The following CALN1 variants were observed in gnomAD, a reference collection of about 807,000 sequenced individuals.
CALN1 encodes the protein calcium-binding protein 8.
CALN1 carries 17 observed loss-of-function variants against 30.6 expected under a neutral mutation model. That is an observed-to-expected ratio of 0.56 (90% CI 0.38 to 0.83). The LOEUF is 0.83. Ranked by LOEUF, CALN1 falls within the 40% of genes least tolerant of loss-of-function variation. CALN1 has a pLI of 0.00. For synonymous variants in CALN1, 156 were observed against 131.4 expected (o/e 1.19, Z -1.28); for missense variants, 291 against 354.9 (o/e 0.82, Z 1.45).
At chr7:72,349,357 A>C (rs1475095203) in intron 2 of CALN1, among the ~76,000 whole-genome samples, 2 of 149,164 alleles carry the variant, frequency 1.3e-5, no homozygotes. Flanking sequence ...TATTTGAATA[A>C]ATAGTGGCTA....
At chr7:71,912,976 T>C (rs559263481) in intron 5 of CALN1, among the ~76,000 whole-genome samples, 1 of 152,212 alleles carries the variant, frequency 6.6e-6, no homozygotes, top group South Asian at 2.1e-4. Flanking sequence ...AAGCCTGGGG[T>C]GCTAAGCTGA....
At chr7:72,223,091 C>A (rs111577688) in intron 3 of CALN1, among the ~76,000 whole-genome samples, 3 of 152,258 alleles carry the variant, frequency 2.0e-5, no homozygotes, top group African/African-American at 4.8e-5. Flanking sequence ...CCTGTTAAAG[C>A]AGTTGGCACT....
chr7:72,438,949 C>T (rs2129564320), intron 1 of CALN1, among the ~76,000 whole-genome samples: 1 of 152,302 alleles, frequency 6.6e-6, no homozygotes, highest in African/African-American at 2.4e-5. Context: ...TAAAGGAAAC[C>T]TCAGAAGAAA....
At chr7:72,285,121 G>A (rs1797997659) in intron 2 of CALN1, among the ~76,000 whole-genome samples, 1 of 152,186 alleles carries the variant, frequency 6.6e-6, no homozygotes, top group Non-Finnish European at 1.5e-5. Flanking sequence ...AGAACTGAGA[G>A]AAAGCATTGA....
the CALN1 span, among the ~76,000 whole-genome samples, chr7:72,470,853 G>A: frequency 6.6e-6 from 1 of 152,170 alleles, no homozygotes; most frequent in African/African-American, 2.4e-5. Flanking sequence ...CCTGATGGAA[G>A]GGAGAAATTC....
chr7:72,362,321 C>T (rs1317989256), intron 2 of CALN1, among the ~76,000 whole-genome samples: 1 of 152,124 alleles, frequency 6.6e-6, no homozygotes, highest in African/African-American at 2.4e-5. Flanking sequence ...AGAAGATTTC[C>T]ACCATGTACA....
At chr7:72,089,863 C>T (rs185355919) in intron 4 of CALN1, among the ~76,000 whole-genome samples, 1 of 152,256 alleles carries the variant, frequency 6.6e-6, no homozygotes, top group Admixed American at 6.5e-5. Flanking sequence ...AATAGGGCTA[C>T]AAGGCACATG....
intron 5 of CALN1, among the ~76,000 whole-genome samples, chr7:71,978,259 A>ATTTTTTTTTTT (rs1584662365): frequency 8.6e-6 from 1 of 115,612 alleles, no homozygotes; most frequent in South Asian, 2.8e-4. Flanking sequence ...ACTCTAGAGA[A>ATTTTTTTTTTT]TTCTTTTTTT....
chr7:72,278,009 G>GGGGC (rs374470678), intron 3 of CALN1, among the ~76,000 whole-genome samples: 3 of 68,926 alleles, frequency 4.4e-5, no homozygotes, highest in East Asian at 2.6e-4. Flanking sequence ...CCTCTATTCC[G>GGGGC]GGGGGGGGGG....
At chr7:72,241,227 T>G (rs1322667099) in intron 3 of CALN1, among the ~76,000 whole-genome samples, 1 of 152,220 alleles carries the variant, frequency 6.6e-6, no homozygotes, top group Admixed American at 6.5e-5. Flanking sequence ...TCAACAGGCA[T>G]TTATTGGTCA....
chr7:71,876,127 G>T (rs1792231877), intron 5 of CALN1, among the ~76,000 whole-genome samples: 1 of 152,168 alleles, frequency 6.6e-6, no homozygotes, highest in African/African-American at 2.4e-5. Context: ...GTGTGAAAAT[G>T]GTTTGTCTCC....
chr7:71,855,297 C>A (rs143390886), intron 5 of CALN1, among the ~76,000 whole-genome samples: 1 of 152,092 alleles, frequency 6.6e-6, no homozygotes, highest in Non-Finnish European at 1.5e-5. Flanking sequence ...CTCAGGAGTC[C>A]GTGTTTCATG....
chr7:72,096,096 T>G (rs201962797), intron 4 of CALN1, among the ~76,000 whole-genome samples: 1 of 143,982 alleles, frequency 6.9e-6, no homozygotes, highest in Non-Finnish European at 1.5e-5. Flanking sequence ...TAGATAAAGA[T>G]AGATAGATAG....
intron 6 of CALN1, among the ~76,000 whole-genome samples, chr7:71,792,829 G>A (rs1786651542): frequency 6.6e-6 from 1 of 152,072 alleles, no homozygotes; most frequent in African/African-American, 2.4e-5. Flanking sequence ...GGCTGAGGGA[G>A]AAAGTTTTTG....
chr7:72,359,760 G>A (rs1475463146), intron 2 of CALN1, among the ~76,000 whole-genome samples: 1 of 151,966 alleles, frequency 6.6e-6, no homozygotes, highest in Non-Finnish European at 1.5e-5. Context: ...AGGATCACAA[G>A]GTCAGGAGTT....
intron 2 of CALN1, among the ~76,000 whole-genome samples, chr7:72,320,338 T>G (rs1035962979): frequency 2.6e-5 from 4 of 152,134 alleles, no homozygotes; most frequent in Admixed American, 2.0e-4. Context: ...TCCAGTCCAG[T>G]GAGTCGAGCC....
chr7:72,357,970 A>G (rs1217641265), intron 2 of CALN1, among the ~76,000 whole-genome samples: 1 of 150,764 alleles, frequency 6.6e-6, no homozygotes, highest in African/African-American at 2.5e-5. Context: ...ATGCCTGGCT[A>G]ATTTTTTTGT....
intron 5 of CALN1, among the ~76,000 whole-genome samples, chr7:71,880,843 T>A (rs1228247448): frequency 6.6e-6 from 1 of 152,204 alleles, no homozygotes; most frequent in East Asian, 1.9e-4. Context: ...TTTCCTCGCA[T>A]TCCTTCCATC....
At chr7:71,856,568 A>G (rs1790959583) in intron 5 of CALN1, among the ~76,000 whole-genome samples, 1 of 152,206 alleles carries the variant, frequency 6.6e-6, no homozygotes, top group South Asian at 2.1e-4. Flanking sequence ...AAACATCTGG[A>G]AAAAATAGAT....
Sources: allele counts gnomAD v4.1 joint callset (sites outside exome capture counted in the v4.1 genomes callset), GRCh38; gene constraint gnomAD v4.1.1; transcripts MANE v1.5; gene names NCBI Gene and HGNC (gene_info 2026-07-23, HGNC 2026-07-21).